Variants in CALN1 observed in about 807,000 individuals in gnomAD.
CALN1 encodes the protein calneuron 1.
Under a neutral mutation model 30.6 loss-of-function variants are expected in CALN1, and 17 were observed. The observed-to-expected ratio is 0.56, with a 90% CI of 0.38 to 0.83. The LOEUF (loss-of-function observed/expected upper bound fraction) is 0.83, where lower values mean the gene tolerates loss of function less well. CALN1 is among the 40% of genes least tolerant of loss of function. The pLI is 0.00. For synonymous variants in CALN1, 156 were observed against 131.4 expected (o/e 1.19, Z -1.28); for missense variants, 291 against 354.9 (o/e 0.82, Z 1.45).
intron 3 of CALN1, among the ~76,000 whole-genome samples, chr7:72,169,968 C>G (rs572518974): frequency 1.3e-5 from 2 of 151,978 alleles, no homozygotes; most frequent in African/African-American, 4.8e-5. Flanking sequence ...GCTGGGATTA[C>G]GGGCGTGAGA....
chr7:72,174,334 A>T (rs921110680), intron 3 of CALN1, among the ~76,000 whole-genome samples: 2 of 152,194 alleles, frequency 1.3e-5, no homozygotes, highest in Non-Finnish European at 2.9e-5. Context: ...CAATGTCTTA[A>T]AAAGTCAAAT....
chr7:71,811,236 C>T (rs1787937929), intron 5 of CALN1, among the ~76,000 whole-genome samples: 1 of 152,034 alleles, frequency 6.6e-6, no homozygotes, highest in Non-Finnish European at 1.5e-5. Context: ...GAGACAGGGT[C>T]TTGCCCTATC....
chr7:72,204,927 C>G (rs142661618), intron 3 of CALN1, among the ~76,000 whole-genome samples: 1 of 152,036 alleles, frequency 6.6e-6, no homozygotes, highest in Non-Finnish European at 1.5e-5. Flanking sequence ...TGTCTAAATT[C>G]CATACCAAAA....
intron 2 of CALN1, among the ~76,000 whole-genome samples, chr7:72,390,634 C>G (rs182695066): frequency 2.1e-3 from 323 of 152,210 alleles, no homozygotes; most frequent in African/African-American, 7.1e-3. Context: ...CCACAAGGCA[C>G]CGTGGAATTA....
chr7:72,055,353 C>G (rs1803185684), intron 4 of CALN1, among the ~76,000 whole-genome samples: 1 of 151,822 alleles, frequency 6.6e-6, no homozygotes, highest in East Asian at 1.9e-4. Flanking sequence ...GAAAAAGTAA[C>G]CCCAATGCAA....
At chr7:72,496,430 A>G in the CALN1 span, among the ~76,000 whole-genome samples, 2 of 152,240 alleles carry the variant, frequency 1.3e-5, no homozygotes, top group South Asian at 2.1e-4. Context: ...ATATTAAAAC[A>G]ACTATATCAT....
intron 3 of CALN1, among the ~76,000 whole-genome samples, chr7:72,213,181 C>G (rs970403115): frequency 2.0e-5 from 3 of 152,172 alleles, no homozygotes; most frequent in African/African-American, 7.2e-5. Context: ...ATTGCGTGTC[C>G]TAATTAAAAA....
chr7:72,449,552 C>T (rs1178083109), upstream of CALN1, among the ~76,000 whole-genome samples: 1 of 152,112 alleles, frequency 6.6e-6, no homozygotes, highest in Non-Finnish European at 1.5e-5. Context: ...CTCACCCCCA[C>T]TGGCCGGAAA....
chr7:72,503,095 G>A, the CALN1 span, among the ~76,000 whole-genome samples: 1 of 152,078 alleles, frequency 6.6e-6, no homozygotes, highest in Admixed American at 6.6e-5. Flanking sequence ...GTAGTGAGCT[G>A]AGATCGTGCC....
At chr7:72,302,893 C>CAAAAAAAAAAAAAAA (rs71069055) in intron 2 of CALN1, among the ~76,000 whole-genome samples, 7 of 48,748 alleles carry the variant, frequency 1.4e-4, no homozygotes, top group Non-Finnish European at 2.2e-4. Flanking sequence ...GTGAGGGTCT[C>CAAAAAAAAAAAAAAA]AAAAAAAAAA....
chr7:71,890,701 A>G (rs755406399), intron 5 of CALN1, among the ~76,000 whole-genome samples: 4 of 145,660 alleles, frequency 2.7e-5, no homozygotes, highest in Non-Finnish European at 4.5e-5. Flanking sequence ...ACATGCACCT[A>G]TGTTTTAACA....
At chr7:72,366,788 T>C (rs919178029) in intron 2 of CALN1, among the ~76,000 whole-genome samples, 1 of 151,672 alleles carries the variant, frequency 6.6e-6, no homozygotes, top group Non-Finnish European at 1.5e-5. Context: ...CTAAATTGCA[T>C]GTATATGACC....
chr7:72,325,601 C>T (rs1340626277), intron 2 of CALN1, among the ~76,000 whole-genome samples: 2 of 151,700 alleles, frequency 1.3e-5, no homozygotes, highest in Admixed American at 6.6e-5. Context: ...AACTCTGTCT[C>T]GAAAATAAAT....
intron 3 of CALN1, among the ~76,000 whole-genome samples, chr7:72,161,334 C>T (rs1007976041): frequency 2.6e-5 from 4 of 152,126 alleles, no homozygotes; most frequent in African/African-American, 9.7e-5. Context: ...ACCTCTTTCA[C>T]CTTCAGTGAT....
chr7:72,454,906 A>G, the CALN1 span, among the ~76,000 whole-genome samples: 1 of 150,446 alleles, frequency 6.6e-6, no homozygotes, highest in Non-Finnish European at 1.5e-5. Context: ...ATATCCGCTC[A>G]CTGCAAACCC....
intron 3 of CALN1, among the ~76,000 whole-genome samples, chr7:72,237,983 C>T (rs1195106975): frequency 1.3e-5 from 2 of 152,152 alleles, no homozygotes; most frequent in African/African-American, 2.4e-5. Context: ...ATAAATCTAG[C>T]ATCTTGAAGG....
intron 6 of CALN1, among the ~76,000 whole-genome samples, chr7:71,802,870 A>T (rs1461448306): frequency 1.3e-5 from 2 of 152,012 alleles, no homozygotes; most frequent in South Asian, 2.1e-4. Context: ...TAAAAATACA[A>T]AAATTAGCCG....
chr7:72,362,334 C>T (rs982736432), intron 2 of CALN1, among the ~76,000 whole-genome samples: 4 of 152,146 alleles, frequency 2.6e-5, no homozygotes, highest in African/African-American at 7.2e-5. Context: ...CATGTACAGT[C>T]GCAAGAGTTT....
At chr7:72,179,679 A>T (rs113136394) in intron 3 of CALN1, among the ~76,000 whole-genome samples, 2 of 152,206 alleles carry the variant, frequency 1.3e-5, no homozygotes, top group Non-Finnish European at 2.9e-5. Context: ...ATCGCCATAT[A>T]ACCATAACTC....
Sources: allele counts gnomAD v4.1 joint callset (sites outside exome capture counted in the v4.1 genomes callset), GRCh38; gene constraint gnomAD v4.1.1; transcripts MANE v1.5; gene names NCBI Gene and HGNC (gene_info 2026-07-23, HGNC 2026-07-21).